Variants in POU4F1 observed in about 807,000 individuals in gnomAD.
POU4F1 encodes POU domain, class 4, transcription factor 1.
POU4F1 carries 5 observed loss-of-function variants against 19.8 expected under a neutral mutation model. The ratio of observed to expected loss-of-function variants is 0.25; its 90% CI spans 0.13 to 0.53. The LOEUF is 0.53. Among genes scored for constraint, POU4F1 ranks in the 20% least tolerant of loss-of-function variants. POU4F1 has a pLI of 0.96. For missense variants in POU4F1, 408 were observed against 511.6 expected (o/e 0.80, Z 1.95); for synonymous variants, 266 against 247.7 (o/e 1.07, Z -0.69).
Position 78,601,910 on chromosome 13 carries a change from C to G in POU4F1, c.765G>C (p.Leu255=). The change falls in exon 2 of 2, where the codon CTG becomes CTC. Residue 255 remains leucine (L), a synonymous_variant. Transcript: ENST00000377208. ...CCGTGTCCGAGTCGCAGATGGACGC[C>G]AGGCCCGCTGCGCCCACCACGGCCG... The part of the protein sequence containing the change: ...AAAAVVGAAG[L]ASICDSDTDP... The G allele has an allele frequency of 4.1e-6, 6 of 1,449,290 alleles. No homozygotes were observed. The highest frequency in any genetic ancestry group is 5.4e-6 in the Non-Finnish European group (6 of 1,105,644). The allele number at this position is 1,449,290 out of a possible 1,614,324, so 89.8% of individuals were successfully genotyped here.
rs372132643 is a variant in POU4F1, at chr13:78,601,814, G to C, written c.861C>G (p.Ala287=). 6.3e-4 allele frequency: 1,013 copies of C among 1,611,436 alleles called. No homozygotes were observed. Among genetic ancestry groups the C allele is most frequent in the Non-Finnish European group, 7.9e-4 (935 of 1,179,522 alleles). The change falls in exon 2 of 2, where the codon GCC becomes GCG. Residue 287 remains alanine (A), a synonymous_variant. Coordinates refer to ENST00000377208, the MANE Select transcript of POU4F1 (RefSeq NM_006237.4). Reference sequence around the variant, plus strand: ...GGTTGGCCAGCGCCGAGCCCACGTCGGCCTGCGTCACGCCCAGCTTGATGC... The same window carrying C: ...GGTTGGCCAGCGCCGAGCCCACGTCCGCCTGCGTCACGCCCAGCTTGATGC... ...QRRIKLGVTQ[A]DVGSALANLK... is the part of the protein sequence containing the mutation.
rs1874671634 is a variant in POU4F1 at position 78,601,039 on chromosome 13, T to C, written c.*376A>G. ...TCCCCAGGATATTTAGGTAAGTGTC[T>C]CTGGTCAGAAACAGTCCATTTTCCT... is the stretch of plus-strand genomic sequence containing the variant. On this transcript the variant is annotated 3_prime_UTR_variant, in exon 2 of 2. Transcript: ENST00000377208. The C allele has an allele frequency of 4.2e-6, 1 of 238,674 alleles. No individual in the cohort carries two copies. Among genetic ancestry groups the C allele is most frequent in the South Asian group, 7.8e-5 (1 of 12,744 alleles). 14.8% of individuals were successfully genotyped at this position (238,674 alleles called of 1,614,324 possible). A position where few individuals can be genotyped will look rare whatever the true frequency, so the allele number is the denominator to read the frequency against.
At chr13:78,603,169 C>T (rs776114977) in intron 1 of POU4F1, 35 bp downstream of exon 1, 55 of 1,329,048 alleles carry the variant, frequency 4.1e-5, no homozygotes, top group Non-Finnish European at 5.3e-5. Flanking sequence ...GAGGGGCGGG[C>T]GCGCGGGCCG....
In POU4F1 at chr13:78,603,341, A is replaced by G. The variant is rs1294930480; in HGVS notation, c.-15T>C. The G allele has an allele frequency of 6.4e-7, 1 of 1,572,972 alleles. No individual in the cohort carries two copies. On this transcript the variant is annotated 5_prime_UTR_variant, in exon 1 of 2. An upstream start codon of the reference 5' UTR is lost. Transcript: ENST00000377208. ...ATGGACATCATCGTGGCGGCTTGGC[A>G]TGTATATCCACAAACACTCCGAAAG...
In POU4F1 at chr13:78,603,189, G is replaced by A. The variant is rs750249584; in HGVS notation, c.123+15C>T. On this transcript the variant is annotated intron_variant, in intron 1 of 1. Transcript: ENST00000377208. ...GCGGGCGCGCGGGCCGGGGCCGCGG[G>A]CGTGGGGCGCTTACCGGCGGCGTGG... 1.4e-5 allele frequency: 21 copies of A among 1,485,880 alleles called. No homozygotes were observed. Among genetic ancestry groups the A allele is most frequent in the East Asian group, 8.3e-5 (3 of 36,334 alleles). 92.0% of individuals were successfully genotyped at this position (1,485,880 alleles called of 1,614,324 possible).
chr13:78,602,506 G>A lies in POU4F1; in HGVS notation c.169C>T (p.Arg57Trp). 1 of 1,588,464 alleles carries A rather than the reference G, an allele frequency of 6.3e-7. No homozygotes were observed. The highest frequency in any genetic ancestry group is 8.5e-7 in the Non-Finnish European group (1 of 1,170,248). Reference sequence around the variant, plus strand: ...TCCACGGCCGCCAGCGCCTCGGCCCGCGCCAGCAGCGTCTCGTCCAGGCTG... The same window carrying A: ...TCCACGGCCGCCAGCGCCTCGGCCCACGCCAGCAGCGTCTCGTCCAGGCTG... Reference protein sequence around the residue: ...FASLDETLLARAEALAAVDIA... With the variant: ...FASLDETLLAWAEALAAVDIA... Residue 57 changes from arginine (R) to tryptophan (W), a missense_variant, in exon 2 of 2, where the codon CGG (arginine) becomes TGG (tryptophan). Arg to Trp is a moderately radical substitution (Grantham distance 101). Around this residue, in one of 4 missense-constraint regions of POU4F1, gnomAD observed 294 missense variants for 288.2 expected, o/e 1.02. Transcript: ENST00000377208.
chr13:78,599,544 C>T lies in POU4F1; in HGVS notation c.*1871G>A, dbSNP rs947254554. The T allele has an allele frequency of 6.6e-6, 1 of 152,604 alleles. No individual in the cohort carries two copies. Among genetic ancestry groups the T allele is most frequent in the Non-Finnish European group, 1.5e-5 (1 of 68,032 alleles). The allele number at this position is 152,604 out of a possible 1,614,324, so 9.5% of individuals were successfully genotyped here. Reference sequence around the variant, plus strand: ...ACCAGAAAGCTAGCCCAGTTTAGTGCTCAGTTTCAAATGCATAGAATGTTT... The same window carrying T: ...ACCAGAAAGCTAGCCCAGTTTAGTGTTCAGTTTCAAATGCATAGAATGTTT... On this transcript the variant is annotated 3_prime_UTR_variant, in exon 2 of 2. Transcript: ENST00000377208.
rs1211051294 is a variant in POU4F1 at position 78,603,348 on chromosome 13, T to C, written c.-22A>G. 19 of 1,565,016 alleles carry C rather than the reference T, an allele frequency of 1.2e-5. No individual in the cohort carries two copies. The highest frequency in any genetic ancestry group is 1.6e-5 in the Non-Finnish European group (19 of 1,156,708). On this transcript the variant is annotated 5_prime_UTR_variant, in exon 1 of 2. Coordinates refer to ENST00000377208, the MANE Select transcript of POU4F1 (RefSeq NM_006237.4). ...TCATCGTGGCGGCTTGGCATGTATA[T>C]CCACAAACACTCCGAAAGTCCGCGG...
At position 78,598,739 on chromosome 13, in the gene POU4F1, C is replaced by T. The variant is rs993261546; in HGVS notation, c.*2676G>A. The T allele has an allele frequency of 5.3e-5, 8 of 151,940 alleles. No individual in the cohort carries two copies. Among genetic ancestry groups the T allele is most frequent in the Admixed American group, 3.9e-4 (6 of 15,254 alleles). 9.4% of individuals were successfully genotyped at this position (151,940 alleles called of 1,614,324 possible). A position where few individuals can be genotyped will look rare whatever the true frequency, so the allele number is the denominator to read the frequency against. On this transcript the variant is annotated 3_prime_UTR_variant, in exon 2 of 2. Transcript: ENST00000377208. ...CACTAAATGTTTTAAAATGTATTACCCTCCAAAGAAAAGCCATTCAGTTAC... is the reference window on the plus strand; with the variant it reads ...CACTAAATGTTTTAAAATGTATTACTCTCCAAAGAAAAGCCATTCAGTTAC...
intron 1 of POU4F1, 78 bp from the exon 2 acceptor site, chr13:78,602,629 C>G (rs1313067293): frequency 2.2e-6 from 3 of 1,338,834 alleles, no homozygotes; most frequent in Non-Finnish European, 2.9e-6. Flanking sequence ...AACACACACA[C>G]AGGCCGGAAA....
Position 78,598,971 on chromosome 13 carries a change from C to A in POU4F1, c.*2444G>T, listed in dbSNP as rs1874594410. The A allele has an allele frequency of 6.6e-6, 1 of 152,146 alleles. No homozygotes were observed. The highest frequency in any genetic ancestry group is 6.5e-5 in the Admixed American group (1 of 15,270). 9.4% of individuals were successfully genotyped at this position (152,146 alleles called of 1,614,324 possible). A position where few individuals can be genotyped will look rare whatever the true frequency, so the allele number is the denominator to read the frequency against. On this transcript the variant is annotated 3_prime_UTR_variant, in exon 2 of 2. Transcript: ENST00000377208. ...TATAGAATTCATTTTATTTAGAGCACCACTTTTCATGAGTTATCTGAAAGT... is the reference window on the plus strand; with the variant it reads ...TATAGAATTCATTTTATTTAGAGCAACACTTTTCATGAGTTATCTGAAAGT...
In POU4F1 at chr13:78,603,402, T is replaced by C; in HGVS notation, c.-76A>G. ...AGTGCGTACGCCGGCTCACCCGGCCTCCCTTCGGAGGCTGCAGCCGCGGCG... is the reference window on the plus strand; with the variant it reads ...AGTGCGTACGCCGGCTCACCCGGCCCCCCTTCGGAGGCTGCAGCCGCGGCG... On this transcript the variant is annotated 5_prime_UTR_variant, in exon 1 of 2. Transcript: ENST00000377208. 2 of 1,504,512 alleles carry C rather than the reference T, an allele frequency of 1.3e-6. No individual in the cohort carries two copies. Among genetic ancestry groups the C allele is most frequent in the Non-Finnish European group, 8.9e-7 (1 of 1,123,044 alleles). The allele number at this position is 1,504,512 out of a possible 1,614,324, so 93.2% of individuals were successfully genotyped here.
chr13:78,603,402 T>A lies in POU4F1; in HGVS notation c.-76A>T. On this transcript the variant is annotated 5_prime_UTR_variant, in exon 1 of 2. Transcript: ENST00000377208. ...AGTGCGTACGCCGGCTCACCCGGCC[T>A]CCCTTCGGAGGCTGCAGCCGCGGCG... 1 of 1,504,512 alleles carries A rather than the reference T, an allele frequency of 6.6e-7. No homozygotes were observed. Among genetic ancestry groups the A allele is most frequent in the Non-Finnish European group, 8.9e-7 (1 of 1,123,044 alleles). The allele number at this position is 1,504,512 out of a possible 1,614,324, so 93.2% of individuals were successfully genotyped here.
rs1273226925 is a variant in POU4F1 at position 78,603,292 on chromosome 13, G to A, written c.35C>T (p.Ala12Val). The change falls in exon 1 of 2, where the codon GCC (alanine) becomes GTC (valine). Residue 12 changes from alanine to valine, a missense_variant. Coordinates refer to ENST00000377208, the MANE Select transcript of POU4F1 (RefSeq NM_006237.4). ...MSMNSKQPHF[A>V]MHPTLPEHKY... ...GTGCTCAGGGAGGGTGGGATGCATG[G>A]CAAAGTGAGGCTGCTTGCTGTTCAT... 6.3e-7 allele frequency: 1 copy of A among 1,580,518 alleles called. No individual in the cohort carries two copies. The highest frequency in any genetic ancestry group is 2.5e-5 in the East Asian group (1 of 40,338).
chr13:78,600,022 A>T lies in POU4F1; in HGVS notation c.*1393T>A, dbSNP rs1684346302. On this transcript the variant is annotated 3_prime_UTR_variant, in exon 2 of 2. Coordinates refer to ENST00000377208, the MANE Select transcript of POU4F1 (RefSeq NM_006237.4). ...AACACAGTTGTTCTGTTTTCGCCCA[A>T]CATGCAGACCTCTTTGAAACAAATG... 1.3e-5 allele frequency: 2 copies of T among 152,472 alleles called. No homozygotes were observed. Among genetic ancestry groups the T allele is most frequent in the African/African-American group, 2.4e-5 (1 of 41,416 alleles). 9.4% of individuals were successfully genotyped at this position (152,472 alleles called of 1,614,324 possible).
Position 78,603,226 on chromosome 13 carries a change from C to G in POU4F1, c.101G>C (p.Arg34Pro), listed in dbSNP as rs746280705. The G allele has an allele frequency of 6.4e-7, 1 of 1,553,234 alleles. No individual in the cohort carries two copies. ...TACCGGCGGCGTGGGCAGGCAGGCCCGCCGGATGGCCTCGGAGCTGGAGTG... is the reference window on the plus strand; with the variant it reads ...TACCGGCGGCGTGGGCAGGCAGGCCGGCCGGATGGCCTCGGAGCTGGAGTG... ...SLHSSSEAIR[R>P]ACLPTPPLQS... The change falls in exon 1 of 2, where the codon CGG (arginine) becomes CCG (proline). Residue 34 changes from arginine (R) to proline (P), a missense_variant. Physicochemically the swap from Arg to Pro is moderately radical, Grantham distance 103. Coordinates refer to ENST00000377208, the MANE Select transcript of POU4F1 (RefSeq NM_006237.4).
rs1874619212 is a variant in POU4F1, at chr13:78,599,666, T to C, written c.*1749A>G. On this transcript the variant is annotated 3_prime_UTR_variant, in exon 2 of 2. Coordinates refer to ENST00000377208, the MANE Select transcript of POU4F1 (RefSeq NM_006237.4). ...CTTTCCACACCTTTCAGATCATGCA[T>C]GATTTCAGTCTTGTTAATCGGCAGG... The C allele has an allele frequency of 6.6e-6, 1 of 152,626 alleles. No individual in the cohort carries two copies. Among genetic ancestry groups the C allele is most frequent in the African/African-American group, 2.4e-5 (1 of 41,466 alleles). The allele number at this position is 152,626 out of a possible 1,614,324, so 9.5% of individuals were successfully genotyped here. A position where few individuals can be genotyped will look rare whatever the true frequency, so the allele number is the denominator to read the frequency against.
Position 78,603,268 on chromosome 13 carries a change from T to C in POU4F1, c.59A>G (p.His20Arg). The C allele has an allele frequency of 6.3e-7, 1 of 1,576,678 alleles. No homozygotes were observed. The highest frequency in any genetic ancestry group is 8.6e-7 in the Non-Finnish European group (1 of 1,162,906). The change falls in exon 1 of 2, where the codon CAC becomes CGC. Residue 20 changes from histidine (H) to arginine (R), a missense_variant. Around this residue, in one of 4 missense-constraint regions of POU4F1, gnomAD observed 294 missense variants for 288.2 expected, o/e 1.02. Coordinates refer to ENST00000377208, the MANE Select transcript of POU4F1 (RefSeq NM_006237.4). ...GCTGGAGTGCAGCGACGGGTACTTGTGCTCAGGGAGGGTGGGATGCATGGC... is the reference window on the plus strand; with the variant it reads ...GCTGGAGTGCAGCGACGGGTACTTGCGCTCAGGGAGGGTGGGATGCATGGC... ...HFAMHPTLPE[H>R]KYPSLHSSSE...
In POU4F1 at chr13:78,601,811, G is replaced by A; in HGVS notation, c.864C>T (p.Asp288=). ...TGAGGTTGGCCAGCGCCGAGCCCAC[G>A]TCGGCCTGCGTCACGCCCAGCTTGA... ...RRIKLGVTQA[D]VGSALANLKI... The change falls in exon 2 of 2, where the codon GAC becomes GAT. Residue 288 remains aspartate, a synonymous_variant. Transcript: ENST00000377208. 1.2e-6 allele frequency: 2 copies of A among 1,611,550 alleles called. No individual in the cohort carries two copies. The highest frequency in any genetic ancestry group is 1.7e-6 in the Non-Finnish European group (2 of 1,179,618).
Sources: gnomAD v4.1 joint callset for allele counts on GRCh38, gnomAD v4.1.1 for gene constraint, gnomAD v4.1.1 regional missense constraint, MANE v1.5 for transcripts, NCBI Gene and HGNC (gene_info 2026-07-23, HGNC 2026-07-21) for gene names.